MTMR7: variants seen among roughly 807,000 people sequenced by gnomAD.
MTMR7 encodes phosphatidylinositol-3-phosphate phosphatase MTMR7.
Under a neutral mutation model 81.2 loss-of-function variants are expected in MTMR7, and 76 were observed. The ratio of observed to expected loss-of-function variants is 0.94; its 90% CI spans 0.78 to 1.13. The LOEUF is 1.13. Ranked by LOEUF, MTMR7 falls within the 50% of genes most tolerant of loss-of-function variation. MTMR7 has a pLI of 0.00. For missense variants in MTMR7, 1,044 were observed against 820.0 expected, an observed-to-expected ratio of 1.27 and a Z score of -3.34; for synonymous variants, 372 against 289.8, an observed-to-expected ratio of 1.28 and a Z score of -2.88.
intron 1 of MTMR7, among the ~76,000 whole-genome samples, chr8:17,390,829 AGAGTAGT>A (rs1351883597): frequency 1.3e-5 from 2 of 152,152 alleles, no homozygotes; most frequent in Non-Finnish European, 2.9e-5. Flanking sequence ...ACCGCTTACC[AGAGTAGT>A]AAGGGGAAAC....
At chr8:17,342,521 AGCT>A (rs1348892881) in intron 5 of MTMR7, among the ~76,000 whole-genome samples, 2 of 152,118 alleles carry the variant, frequency 1.3e-5, no homozygotes, top group Non-Finnish European at 2.9e-5. Flanking sequence ...GTCCAACCAT[AGCT>A]TAATTGTCTT....
intron 1 of MTMR7, among the ~76,000 whole-genome samples, chr8:17,403,903 C>T (rs777654961): frequency 6.6e-6 from 1 of 152,090 alleles, no homozygotes; most frequent in Admixed American, 6.6e-5. Context: ...AACGCTACTG[C>T]TTTTTGTATT....
At chr8:17,368,682 C>T (rs1563362340) in intron 3 of MTMR7, among the ~76,000 whole-genome samples, 1 of 152,174 alleles carries the variant, frequency 6.6e-6, no homozygotes, top group Non-Finnish European at 1.5e-5. Flanking sequence ...TTAGCAATGC[C>T]TTTAACATTA....
At chr8:17,348,027 G>C (rs948248845) in intron 5 of MTMR7, among the ~76,000 whole-genome samples, 1 of 152,164 alleles carries the variant, frequency 6.6e-6, no homozygotes, top group Non-Finnish European at 1.5e-5. Context: ...AAGGCTAAGT[G>C]GGGTGGGGCC....
rs370550779 is a variant in MTMR7, at chr8:17,305,817, A to G, written c.1292T>C (p.Ile431Thr). 41 of 1,613,608 alleles carry G rather than the reference A, an allele frequency of 2.5e-5. No homozygotes were observed. The highest frequency in any genetic ancestry group is 3.4e-5 in the Non-Finnish European group (40 of 1,179,724). ...GAAGTTTCCAAACTGGCAGGAATAA[A>G]TGTGATGTTGAATGTGAATCAAAAA... is the stretch of plus-strand genomic sequence containing the variant. ...ERFLIHIQHH[I>T]YSCQFGNFLC... is the part of the protein sequence containing the mutation. The change falls in exon 11 of 14, where the codon ATT (isoleucine) becomes ACT (threonine). Residue 431 changes from isoleucine (I) to threonine (T), a missense_variant. Physicochemically the swap from Ile to Thr is moderately conservative, Grantham distance 89 (BLOSUM62 -1). Coordinates refer to ENST00000180173, the MANE Select transcript of MTMR7 (RefSeq NM_004686.5).
chr8:17,369,449 A>G (rs1481734143), intron 3 of MTMR7, among the ~76,000 whole-genome samples: 1 of 151,862 alleles, frequency 6.6e-6, no homozygotes, highest in East Asian at 1.9e-4. Context: ...TTAGGATCCA[A>G]CCAAATGCCT....
At chr8:17,374,662 A>C (rs1441454595) in intron 1 of MTMR7, among the ~76,000 whole-genome samples, 6 of 151,980 alleles carry the variant, frequency 3.9e-5, no homozygotes, top group Non-Finnish European at 1.5e-5. Context: ...AAAGCATAAA[A>C]ACTAGCCTGG....
chr8:17,357,630 T>C (rs1819935783), intron 4 of MTMR7, among the ~76,000 whole-genome samples: 1 of 152,210 alleles, frequency 6.6e-6, no homozygotes, highest in Non-Finnish European at 1.5e-5. Context: ...ATCGTTTCAC[T>C]CAAAGTCGCA....
chr8:17,402,202 G>A (rs1286952594), intron 1 of MTMR7, among the ~76,000 whole-genome samples: 1 of 151,856 alleles, frequency 6.6e-6, no homozygotes, highest in Non-Finnish European at 1.5e-5. Context: ...TGGTAAATGG[G>A]GTATCTAGCT....
intron 7 of MTMR7, among the ~76,000 whole-genome samples, 160 bp from the exon 8 acceptor site, chr8:17,313,561 G>A (rs896446726): frequency 6.6e-6 from 1 of 152,162 alleles, no homozygotes; most frequent in Non-Finnish European, 1.5e-5. Context: ...TACTAAACTT[G>A]ATTCTATGGA....
At chr8:17,358,038 A>G (rs900952561) in intron 4 of MTMR7, among the ~76,000 whole-genome samples, 1 of 152,208 alleles carries the variant, frequency 6.6e-6, no homozygotes, top group African/African-American at 2.4e-5. Flanking sequence ...AAAACCATCC[A>G]GTCATAGACA....
intron 6 of MTMR7, 21 bp from the exon 7 acceptor site, chr8:17,331,303 G>T: frequency 6.4e-7 from 1 of 1,564,746 alleles, no homozygotes; most frequent in South Asian, 1.2e-5. Flanking sequence ...CAGCAAAACA[G>T]AACAGTCATC....
At chr8:17,309,245 A>C in intron 10 of MTMR7, 32 bp downstream of exon 10, 1 of 1,365,432 alleles carries the variant, frequency 7.3e-7, no homozygotes, top group Non-Finnish European at 1.0e-6. Context: ...CTTTTATTCT[A>C]AACATTCAAA....
intron 1 of MTMR7, among the ~76,000 whole-genome samples, chr8:17,385,432 C>T (rs10283123): frequency 0.4 from 60,953 of 151,912 alleles, 13,158 homozygotes; most frequent in Admixed American, 0.56. Context: ...ATAGTGAATA[C>T]GCCTCATGAC....
chr8:17,363,016 G>C (rs1585091525), intron 3 of MTMR7, among the ~76,000 whole-genome samples: 1 of 152,240 alleles, frequency 6.6e-6, no homozygotes, highest in South Asian at 2.1e-4. Flanking sequence ...CTTTCTCCAT[G>C]TCATGTTTCT....
At chr8:17,410,007 T>G (rs988822624) in intron 1 of MTMR7, among the ~76,000 whole-genome samples, 2 of 152,192 alleles carry the variant, frequency 1.3e-5, no homozygotes, top group East Asian at 3.9e-4. Flanking sequence ...TTACGAGCAG[T>G]TCTGAGGATT....
At chr8:17,319,143 G>A (rs1431961413) in intron 7 of MTMR7, among the ~76,000 whole-genome samples, 1 of 152,200 alleles carries the variant, frequency 6.6e-6, no homozygotes, top group Non-Finnish European at 1.5e-5. Flanking sequence ...ACGTAGCAAT[G>A]TTTAAGGGCT....
At chr8:17,356,922 G>T (rs891127017) in intron 4 of MTMR7, among the ~76,000 whole-genome samples, 1 of 152,050 alleles carries the variant, frequency 6.6e-6, no homozygotes, top group South Asian at 2.1e-4. Flanking sequence ...CTTTAGAAAA[G>T]AATTTTCCAG....
At chr8:17,301,816 C>A in intron 13 of MTMR7, 1 of 341,154 alleles carries the variant, frequency 2.9e-6, no homozygotes, top group Non-Finnish European at 5.2e-6. Context: ...TTTACAAGTA[C>A]ATATATTTGA....
Sources: gnomAD v4.1 joint callset for allele counts (sites outside exome capture counted in the v4.1 genomes callset) on GRCh38, gnomAD v4.1.1 for gene constraint, MANE v1.5 for transcripts, NCBI Gene and HGNC (gene_info 2026-07-23, HGNC 2026-07-21) for gene names.